The following IBTK variants were observed in gnomAD, a reference collection of about 807,000 sequenced individuals.
IBTK encodes the protein inhibitor of Bruton tyrosine kinase.
In IBTK, 83 loss-of-function variants were observed where a neutral mutation model predicts 154.9. The ratio of observed to expected loss-of-function variants is 0.54; its 90% CI spans 0.45 to 0.64. The LOEUF is 0.64. IBTK is among the 30% of genes least tolerant of loss of function. The pLI, the probability that IBTK is intolerant of heterozygous loss-of-function variation, is 0.00. For missense variants in IBTK, 1,332 were observed against 1,584.6 expected (o/e 0.84, Z 2.71); for synonymous variants, 515 against 536.1 (o/e 0.96, Z 0.54).
chr6:82,237,153 C>T (rs900429918), intron 2 of IBTK, among the ~76,000 whole-genome samples: 7 of 152,090 alleles, frequency 4.6e-5, no homozygotes, highest in African/African-American at 9.7e-5. Flanking sequence ...AATGCTAACA[C>T]CTAAATGGCA....
intron 4 of IBTK, among the ~76,000 whole-genome samples, chr6:82,227,565 T>C (rs1160122990): frequency 6.6e-6 from 1 of 151,952 alleles, no homozygotes; most frequent in Admixed American, 6.6e-5. Flanking sequence ...CAGAAGAGAT[T>C]ACCCAAAGGA....
At chr6:82,220,937 T>TACACACACACACACACACACACACAC (rs57358110) in intron 8 of IBTK, among the ~76,000 whole-genome samples, 2 of 130,090 alleles carry the variant, frequency 1.5e-5, no homozygotes, top group Admixed American at 8.0e-5. Context: ...TGACTTTACC[T>TACACACACACACACACACACACACAC]ACACACACAC....
Position 82,211,569 on chromosome 6 carries a change from T to C in IBTK, c.2295A>G (p.Ser765=), listed in dbSNP as rs781296272. ...ATTTCATGGTCACGTCACACAGAAA[T>C]GAACTGCAAGAAAATGTTTAATTGA... ...NKLKLSQKKC[S]FLCDVTMKSV... Residue 765 remains serine, a synonymous_variant, in exon 14 of 29, where the codon TCA becomes TCG. Coordinates refer to ENST00000306270, the MANE Select transcript of IBTK (RefSeq NM_015525.4). The C allele has an allele frequency of 3.7e-6, 6 of 1,611,550 alleles. No homozygotes were observed. The highest frequency in any genetic ancestry group is 5.1e-6 in the Non-Finnish European group (6 of 1,177,904).
At chr6:82,220,765 T>C (rs1770068212) in intron 8 of IBTK, 52 bp from the exon 9 acceptor site, 2 of 1,363,708 alleles carry the variant, frequency 1.5e-6, no homozygotes, top group Non-Finnish European at 2.0e-6. Context: ...AAACTACACA[T>C]GCCTAAACTT....
intron 25 of IBTK, among the ~76,000 whole-genome samples, chr6:82,186,913 C>CT (rs138781864): frequency 0.17 from 17,383 of 103,822 alleles, 1,522 homozygotes; most frequent in Non-Finnish European, 0.18. Flanking sequence ...TTATCAAATT[C>CT]TTTTTTTTTT....
chr6:82,237,599 G>GGTA (rs1562108690), intron 2 of IBTK, among the ~76,000 whole-genome samples: 1 of 150,088 alleles, frequency 6.7e-6, no homozygotes, highest in African/African-American at 2.4e-5. Flanking sequence ...TAGTGGTGGT[G>GGTA]GTAGTAGTAC....
intron 2 of IBTK, among the ~76,000 whole-genome samples, chr6:82,235,559 A>G (rs1770684161): frequency 6.6e-6 from 1 of 152,070 alleles, no homozygotes; most frequent in African/African-American, 2.4e-5. Context: ...GCGCCACTGC[A>G]CTCCAGCCTG....
At position 82,194,564 on chromosome 6, in the gene IBTK, T is replaced by C. The variant is rs746953769; in HGVS notation, c.3253A>G (p.Ile1085Val). Reference protein sequence around the residue: ...EDLKPWEKSPILKISAPQPIP... With the variant: ...EDLKPWEKSPVLKISAPQPIP... ...GGCTGTGGAGCAGATATTTTAAGTA[T>C]TGGTGACTTTTCCCATGGTTTTAAA... The change falls in exon 23 of 29, where the codon ATA becomes GTA. Residue 1085 changes from isoleucine (I) to valine (V), a missense_variant. Physicochemically the swap from Ile to Val is conservative, Grantham distance 29 (BLOSUM62 3). Transcript: ENST00000306270. The C allele has an allele frequency of 1.4e-5, 23 of 1,611,948 alleles. No individual in the cohort carries two copies. Among genetic ancestry groups the C allele is most frequent in the Middle Eastern group, 1.6e-4 (1 of 6,070 alleles).
intron 9 of IBTK, among the ~76,000 whole-genome samples, chr6:82,219,583 C>A (rs1770016197): frequency 6.8e-6 from 1 of 147,984 alleles, no homozygotes; most frequent in African/African-American, 2.5e-5. Flanking sequence ...CCTCCCACCC[C>A]TCAAAAACAA....
chr6:82,242,369 C>CAA (rs58265425), intron 1 of IBTK, among the ~76,000 whole-genome samples: 2 of 134,926 alleles, frequency 1.5e-5, no homozygotes, highest in South Asian at 2.4e-4. Flanking sequence ...AACTCTGTAT[C>CAA]AAAAAAAAAA....
intron 10 of IBTK, among the ~76,000 whole-genome samples, chr6:82,217,267 T>C (rs1418078953): frequency 2.0e-5 from 3 of 152,146 alleles, no homozygotes; most frequent in Non-Finnish European, 4.4e-5. Flanking sequence ...AAGTTGAACC[T>C]ACGTTCTAGT....
At chr6:82,230,486 A>C (rs1770465285) in intron 4 of IBTK, among the ~76,000 whole-genome samples, 1 of 152,156 alleles carries the variant, frequency 6.6e-6, no homozygotes, top group African/African-American at 2.4e-5. Flanking sequence ...AATGGAGCCA[A>C]AAAGTCAAAT....
At chr6:82,240,094 A>G in intron 2 of IBTK, 72 bp downstream of exon 2, 1 of 1,294,372 alleles carries the variant, frequency 7.7e-7, no homozygotes, top group Non-Finnish European at 1.1e-6. Context: ...AAAAGCATGT[A>G]GGATGTATGA....
intron 26 of IBTK, among the ~76,000 whole-genome samples, chr6:82,179,133 C>A (rs1768222908): frequency 6.6e-6 from 1 of 152,150 alleles, no homozygotes; most frequent in South Asian, 2.1e-4. Flanking sequence ...GAGGTGATAG[C>A]ACTGGAGATA....
intron 22 of IBTK, 110 bp downstream of exon 22, chr6:82,196,188 C>A: frequency 1.1e-6 from 1 of 884,570 alleles, no homozygotes. Flanking sequence ...TTCTTATATA[C>A]CAACCTGGAA....
At chr6:82,207,826 A>C (rs999996560) in intron 16 of IBTK, among the ~76,000 whole-genome samples, 1 of 152,192 alleles carries the variant, frequency 6.6e-6, no homozygotes, top group African/African-American at 2.4e-5. Context: ...ATTCAATGGG[A>C]AAACAAATGT....
intron 10 of IBTK, among the ~76,000 whole-genome samples, chr6:82,217,736 A>G (rs1769923868): frequency 6.6e-6 from 1 of 152,186 alleles, no homozygotes; most frequent in Non-Finnish European, 1.5e-5. Context: ...GAGTGACTAC[A>G]ATGCGCCAGG....
chr6:82,204,454 T>C (rs1048122769), intron 17 of IBTK, among the ~76,000 whole-genome samples: 1 of 152,100 alleles, frequency 6.6e-6, no homozygotes, highest in Admixed American at 6.5e-5. Context: ...TGTTCAGATA[T>C]ATAATGGGAA....
rs1770296325 is a variant in IBTK at position 82,226,322 on chromosome 6, T to G, written c.655-675A>C. ...TCAAAAATGGAAGCTATTATCATTA[T>G]AGCTTTCCCTCTTTTTAAAAGCACC... On this transcript the variant is annotated intron_variant, in intron 5 of 28. Coordinates refer to ENST00000306270, the MANE Select transcript of IBTK (RefSeq NM_015525.4). Among the ~76,000 whole-genome samples the G allele has an allele frequency of 2.0e-5, 3 of 152,202 alleles. No individual in the cohort carries two copies. The South Asian group carries it at 6.2e-4, about 32-fold the overall frequency.
Sources: gnomAD v4.1 joint callset for allele counts (sites outside exome capture counted in the v4.1 genomes callset) on GRCh38, gnomAD v4.1.1 for gene constraint, MANE v1.5 for transcripts, NCBI Gene and HGNC (gene_info 2026-07-23, HGNC 2026-07-21) for gene names.